Variants in CSMD2 observed in about 807,000 individuals in gnomAD.
CSMD2 encodes CUB and Sushi multiple domains 2.
CSMD2 carries 130 observed loss-of-function variants against 398.5 expected under a neutral mutation model. The observed-to-expected ratio is 0.33, with a 90% confidence interval of 0.28 to 0.38. The LOEUF (loss-of-function observed/expected upper bound fraction) is 0.38. Among genes scored for constraint, CSMD2 ranks in the 10% least tolerant of loss-of-function variants. The pLI, the probability that CSMD2 is intolerant of heterozygous loss-of-function variation, is 1.00. For synonymous variants in CSMD2, 1,828 were observed against 1,908.5 expected (o/e 0.96, Z 1.10); for missense variants, 3,829 against 4,764.9 (o/e 0.80, Z 5.78).
chr1:33,745,038 T>G (rs1242779215), intron 13 of CSMD2, among the ~76,000 whole-genome samples: 1 of 152,120 alleles, frequency 6.6e-6, no homozygotes, highest in Admixed American at 6.5e-5. Flanking sequence ...AGAGGAAAAA[T>G]GTGAACAAAC....
chr1:33,756,006 G>C (rs980587802), intron 13 of CSMD2, among the ~76,000 whole-genome samples: 6 of 152,192 alleles, frequency 3.9e-5, no homozygotes, highest in African/African-American at 1.4e-4. Context: ...GCATTCAACA[G>C]AGCTAGCCCT....
intron 41 of CSMD2, among the ~76,000 whole-genome samples, chr1:33,607,537 C>T (rs1640701150): frequency 6.6e-6 from 1 of 152,116 alleles, no homozygotes; most frequent in South Asian, 2.1e-4. Context: ...AGAGTGTGGG[C>T]TTATGGTCAG....
At chr1:33,606,246 C>A (rs552094250) in intron 41 of CSMD2, among the ~76,000 whole-genome samples, 1 of 152,262 alleles carries the variant, frequency 6.6e-6, no homozygotes, top group South Asian at 2.1e-4. Context: ...TGCGCCCACT[C>A]CACTCAGGAA....
intron 1 of CSMD2, among the ~76,000 whole-genome samples, chr1:34,154,660 T>C (rs1191321049): frequency 1.3e-5 from 2 of 151,514 alleles, no homozygotes; most frequent in Non-Finnish European, 2.9e-5. Flanking sequence ...TAGACTTCAA[T>C]ATCATTTATA....
chr1:33,571,820 T>C, intron 50 of CSMD2, 94 bp from the exon 51 acceptor site: 1 of 938,426 alleles, frequency 1.1e-6, no homozygotes, highest in Non-Finnish European at 1.4e-6. Context: ...GAGACCTTAA[T>C]GCAATAATGA....
At chr1:33,707,291 T>C (rs1298471533) in intron 22 of CSMD2, among the ~76,000 whole-genome samples, 1 of 152,174 alleles carries the variant, frequency 6.6e-6, no homozygotes, top group African/African-American at 2.4e-5. Context: ...AAGCTGGCTT[T>C]TTGTGCTAAT....
chr1:33,772,333 G>A (rs1385710862), intron 13 of CSMD2: 1 of 448,478 alleles, frequency 2.2e-6, no homozygotes. Context: ...AGGGTAAGAC[G>A]GTGTTGAAGA....
At chr1:33,767,341 T>C (rs1293535464) in intron 13 of CSMD2, among the ~76,000 whole-genome samples, 1 of 152,228 alleles carries the variant, frequency 6.6e-6, no homozygotes, top group Non-Finnish European at 1.5e-5. Flanking sequence ...ATTTTCTTTA[T>C]TTAAACTTGT....
intron 25 of CSMD2, among the ~76,000 whole-genome samples, chr1:33,679,202 T>G (rs1046287319): frequency 1.4e-5 from 2 of 144,420 alleles, no homozygotes; most frequent in Non-Finnish European, 3.0e-5. Context: ...TGCAGTTGTT[T>G]TTTTTTTTTT....
chr1:33,722,139 T>C (rs1241521991), intron 19 of CSMD2, among the ~76,000 whole-genome samples: 1 of 152,224 alleles, frequency 6.6e-6, no homozygotes, highest in Non-Finnish European at 1.5e-5. Context: ...TTTTTCAGTA[T>C]AATACATAAT....
intron 4 of CSMD2, among the ~76,000 whole-genome samples, chr1:33,935,459 G>A (rs1644448536): frequency 6.6e-6 from 1 of 152,194 alleles, no homozygotes; most frequent in Admixed American, 6.5e-5. Flanking sequence ...GCAATAGGAA[G>A]AGAAATGATG....
At chr1:33,863,928 T>C in intron 5 of CSMD2, 1 of 396,794 alleles carries the variant, frequency 2.5e-6, no homozygotes, top group Admixed American at 4.3e-5. Context: ...ACATTGACCC[T>C]CAAGTAACCA....
At chr1:34,140,599 C>G (rs1018535620) in intron 1 of CSMD2, among the ~76,000 whole-genome samples, 2 of 152,164 alleles carry the variant, frequency 1.3e-5, no homozygotes, top group African/African-American at 2.4e-5. Context: ...TGCATTGTTA[C>G]AAAGGTTTTG....
At chr1:34,108,512 C>T (rs901675328) in intron 1 of CSMD2, among the ~76,000 whole-genome samples, 1 of 152,188 alleles carries the variant, frequency 6.6e-6, no homozygotes, top group Non-Finnish European at 1.5e-5. Flanking sequence ...GTAGCCCTGT[C>T]CATGGTCCGG....
At chr1:33,831,531 C>A (rs1335965509) in intron 6 of CSMD2, among the ~76,000 whole-genome samples, 3 of 151,868 alleles carry the variant, frequency 2.0e-5, no homozygotes, top group Non-Finnish European at 2.9e-5. Context: ...TGGAAAGGAA[C>A]AAATGGTACC....
rs1049624185 is a variant in CSMD2 at position 34,098,576 on chromosome 1, C to A, written c.188-9383G>T. ...CTTATGAAAATAGTGTGGGGGTGGTCCAGGAGTAAACAGGTAGGACATGAA... is the reference window on the plus strand; with the variant it reads ...CTTATGAAAATAGTGTGGGGGTGGTACAGGAGTAAACAGGTAGGACATGAA... On this transcript the variant is annotated intron_variant, in intron 1 of 70. Transcript: ENST00000373381. Among the ~76,000 whole-genome samples, 13 of 151,576 alleles carry A rather than the reference C, an allele frequency of 8.6e-5. No individual in the cohort carries two copies. In the South Asian group the frequency reaches 2.3e-3, roughly 27 times the overall value.
chr1:34,011,258 A>T (rs958646109), intron 3 of CSMD2, among the ~76,000 whole-genome samples: 2 of 152,200 alleles, frequency 1.3e-5, no homozygotes, highest in Admixed American at 1.3e-4. Flanking sequence ...TTTTCCCACC[A>T]GAGGCTGAGC....
chr1:33,908,646 C>T (rs1005455279), intron 5 of CSMD2, among the ~76,000 whole-genome samples: 2 of 152,258 alleles, frequency 1.3e-5, no homozygotes, highest in Admixed American at 1.3e-4. Context: ...TCACTTCCTG[C>T]TCCTCCCAGC....
chr1:33,933,020 G>T (rs1314804903), intron 4 of CSMD2, among the ~76,000 whole-genome samples: 1 of 152,174 alleles, frequency 6.6e-6, no homozygotes, highest in Non-Finnish European at 1.5e-5. Context: ...GAAGCTTCCC[G>T]GGAGGAGGGG....
Sources: allele counts gnomAD v4.1 joint callset (sites outside exome capture counted in the v4.1 genomes callset), GRCh38; gene constraint gnomAD v4.1.1; transcripts MANE v1.5; gene names NCBI Gene and HGNC (gene_info 2026-07-23, HGNC 2026-07-21).